The following WDR62 variants were observed in gnomAD, a reference collection of about 807,000 sequenced individuals.
WDR62 encodes the protein WD repeat-containing protein 62.
In WDR62, 112 loss-of-function variants were observed where a neutral mutation model predicts 160.6. The observed-to-expected ratio is 0.70, with a 90% CI of 0.60 to 0.82. WDR62 has a LOEUF of 0.82. Among genes scored for constraint, WDR62 ranks in the 40% least tolerant of loss-of-function variants. The pLI, the probability that WDR62 is intolerant of heterozygous loss-of-function variation, is 0.00. For missense variants in WDR62, 1,819 were observed against 1,983.8 expected (o/e 0.92, Z 1.58); for synonymous variants, 792 against 815.1 (o/e 0.97, Z 0.48).
intron 16 of WDR62, among the ~76,000 whole-genome samples, chr19:36,090,958 T>C (rs935071404): frequency 6.6e-6 from 1 of 152,274 alleles, no homozygotes; most frequent in Admixed American, 6.5e-5. Flanking sequence ...ACAGCTTGTC[T>C]CATAGACTTG....
chr19:36,054,967 T>C lies in WDR62; in HGVS notation c.-5T>C, dbSNP rs1255341987. 1 of 1,592,744 alleles carries C rather than the reference T, an allele frequency of 6.3e-7. No individual in the cohort carries two copies. Among genetic ancestry groups the C allele is most frequent in the Non-Finnish European group, 8.5e-7 (1 of 1,171,324 alleles). On this transcript the variant is annotated 5_prime_UTR_variant, in exon 1 of 32. Transcript: ENST00000401500. ...ATGTAACGGTCGCCCGCCTCCGGCG[T>C]GACGATGGCGGCCGTAGGGTCCGGA... is the stretch of plus-strand genomic sequence containing the variant.
rs887590384 is a variant in WDR62 at position 36,098,579 on chromosome 19, GAA to G, written c.2521-818_2521-817del. The stretch of plus-strand genomic sequence containing the variant: ...ACTCCCTCTCAAAAAAAAAAAAAAA[GAA>G]AGACAATGTGGATTATAAGAGACAG... On this transcript the variant is annotated intron_variant, in intron 21 of 31. Transcript: ENST00000401500. 6.3e-5 allele frequency among the ~76,000 whole-genome samples: 9 copies of G among 141,974 alleles called. 1 individual carries two copies. The South Asian group carries it at 1.7e-3, about 28-fold the overall frequency. 93.1% of individuals were successfully genotyped at this position (141,974 alleles called of 152,430 possible).
rs771274152 is a variant in WDR62, at chr19:36,102,192, G to A, written c.3220+41G>A. ...ACCCACACCTGCCGAGGCCGTCTGTGCAGCCTGGGCACAGCATTGGCGTCC... is the reference window on the plus strand; with the variant it reads ...ACCCACACCTGCCGAGGCCGTCTGTACAGCCTGGGCACAGCATTGGCGTCC... On this transcript the variant is annotated intron_variant, in intron 26 of 31. Coordinates refer to ENST00000401500, the MANE Select transcript of WDR62 (RefSeq NM_001083961.2). 1.6e-5 allele frequency: 26 copies of A among 1,613,576 alleles called. No homozygotes were observed. The South Asian group carries it at 2.6e-4, about 16-fold the overall frequency.
At chr19:36,100,598 C>G in intron 22 of WDR62, 150 bp from the exon 23 acceptor site, 1 of 1,176,080 alleles carries the variant, frequency 8.5e-7, no homozygotes, top group Non-Finnish European at 1.2e-6. Context: ...AATGCAGGGG[C>G]AGACCAGGAC....
At chr19:36,070,502 T>G (rs1971240205) in intron 7 of WDR62, 1 of 152,252 alleles carries the variant, frequency 6.6e-6, no homozygotes, top group Non-Finnish European at 1.5e-5. Flanking sequence ...TCTGAAGGTT[T>G]GAGTCAAAGC....
At chr19:36,094,860 C>T (rs1256365649) in intron 20 of WDR62, among the ~76,000 whole-genome samples, 1 of 152,058 alleles carries the variant, frequency 6.6e-6, no homozygotes, top group Non-Finnish European at 1.5e-5. Context: ...ACCAAGACCC[C>T]GTTCCTACAA....
intron 20 of WDR62, among the ~76,000 whole-genome samples, chr19:36,095,283 G>A (rs1972888690): frequency 6.6e-6 from 1 of 152,250 alleles, no homozygotes; most frequent in Admixed American, 6.5e-5. Flanking sequence ...GATACCCCCA[G>A]CAACTACAGG....
intron 11 of WDR62, among the ~76,000 whole-genome samples, chr19:36,083,756 G>A (rs866365140): frequency 2.0e-5 from 3 of 152,260 alleles, no homozygotes; most frequent in Middle Eastern, 3.4e-3. Context: ...GTGACCACCT[G>A]GGTATTGGAG....
intron 13 of WDR62, among the ~76,000 whole-genome samples, chr19:36,088,637 T>C (rs1972399046): frequency 6.6e-6 from 1 of 152,238 alleles, no homozygotes; most frequent in East Asian, 1.9e-4. Context: ...GCATGGGGCC[T>C]GGCCCAAGGC....
chr19:36,089,658 G>T (rs1972470084), intron 15 of WDR62, among the ~76,000 whole-genome samples: 1 of 152,196 alleles, frequency 6.6e-6, no homozygotes, highest in Non-Finnish European at 1.5e-5. Flanking sequence ...GGCCAGGCTG[G>T]TCTCGAACTC....
At chr19:36,109,271 G>A (rs1284007559), downstream of WDR62, among the ~76,000 whole-genome samples, 3 of 152,278 alleles carry the variant, frequency 2.0e-5, no homozygotes, top group South Asian at 4.1e-4. Context: ...TGTACCCGTA[G>A]CCTGGATCAG....
In WDR62 at chr19:36,104,503, T is replaced by C; in HGVS notation, c.4154-15T>C. 1 of 1,613,196 alleles carries C rather than the reference T, an allele frequency of 6.2e-7. No homozygotes were observed. Among genetic ancestry groups the C allele is most frequent in the Non-Finnish European group, 8.5e-7 (1 of 1,179,646 alleles). ...AATGCAGCTCATCTTGCTCATTCCC[T>C]TCTCTCTACCCCAGGTGCACTTGGT... On this transcript the variant is annotated splice_polypyrimidine_tract_variant and intron_variant, in intron 30 of 31. Coordinates refer to ENST00000401500, the MANE Select transcript of WDR62 (RefSeq NM_001083961.2).
At chr19:36,100,173 A>G (rs1471951457) in intron 22 of WDR62, among the ~76,000 whole-genome samples, 1 of 152,212 alleles carries the variant, frequency 6.6e-6, no homozygotes, top group Non-Finnish European at 1.5e-5. Context: ...GGGCTTTTAC[A>G]GGAATCCATG....
intron 8 of WDR62, among the ~76,000 whole-genome samples, chr19:36,072,789 A>G (rs1971367812): frequency 6.6e-6 from 1 of 152,166 alleles, no homozygotes; most frequent in Non-Finnish European, 1.5e-5. Context: ...TGGGAAGGTG[A>G]CTATACCTCC....
At position 36,054,971 on chromosome 19, in the gene WDR62, G is replaced by A. The variant is rs545508346; in HGVS notation, c.-1G>A. The A allele has an allele frequency of 1.3e-6, 2 of 1,596,224 alleles. No homozygotes were observed. Among genetic ancestry groups the A allele is most frequent in the East Asian group, 2.3e-5 (1 of 44,196 alleles). On this transcript the variant is annotated 5_prime_UTR_variant, in exon 1 of 32. Transcript: ENST00000401500. ...AACGGTCGCCCGCCTCCGGCGTGAC[G>A]ATGGCGGCCGTAGGGTCCGGAGGCT... is the stretch of plus-strand genomic sequence containing the variant.
intron 9 of WDR62, among the ~76,000 whole-genome samples, chr19:36,078,690 G>C (rs1037618883): frequency 6.6e-6 from 1 of 151,672 alleles, no homozygotes; most frequent in Non-Finnish European, 1.5e-5. Context: ...CAAAAAATTA[G>C]CTGGCCGTGG....
At chr19:36,089,565 C>T (rs112552029) in intron 15 of WDR62, among the ~76,000 whole-genome samples, 3 of 152,202 alleles carry the variant, frequency 2.0e-5, no homozygotes, top group Admixed American at 6.5e-5. Flanking sequence ...CCTCAGCCTC[C>T]CAAGTAGCTG....
Position 36,104,766 on chromosome 19 carries a change from A to G in WDR62, c.4312-2A>G. 1 of 1,613,718 alleles carries G rather than the reference A, an allele frequency of 6.2e-7. No individual in the cohort carries two copies. The highest frequency in any genetic ancestry group is 1.1e-5 in the South Asian group (1 of 91,086). ...CCCTGACAAGGCTGGCATCCCTTGC[A>G]GTTGGTCTCCAGTGGCCAGGTGGAC... On this transcript the variant is annotated splice_acceptor_variant, in intron 31 of 31. Transcript: ENST00000401500. LOFTEE classifies it high-confidence loss of function.
chr19:36,086,098 C>A (rs749004611), intron 12 of WDR62, among the ~76,000 whole-genome samples: 1 of 152,028 alleles, frequency 6.6e-6, no homozygotes, highest in Non-Finnish European at 1.5e-5. Context: ...GTTCTTCTTT[C>A]GTTCTCTCAT....
Sources: allele counts gnomAD v4.1 joint callset (sites outside exome capture counted in the v4.1 genomes callset), GRCh38; gene constraint gnomAD v4.1.1; transcripts MANE v1.5; gene names NCBI Gene and HGNC (gene_info 2026-07-23, HGNC 2026-07-21).